UGT1A3: variants seen among roughly 807,000 people sequenced by gnomAD.
UGT1A3 encodes the protein UDP-glucuronosyltransferase 1A3.
In UGT1A3, 31 loss-of-function variants were observed where a neutral mutation model predicts 41.0. That is an observed-to-expected ratio of 0.76 (90% confidence interval 0.57 to 1.02). The LOEUF (loss-of-function observed/expected upper bound fraction) is 1.02. Among genes scored for constraint, UGT1A3 ranks in the 50% least tolerant of loss-of-function variants. UGT1A3 has a pLI of 0.00. For missense variants in UGT1A3, 737 were observed against 671.0 expected (o/e 1.10, Z -1.09); for synonymous variants, 262 against 257.6 (o/e 1.02, Z -0.17).
At chr2:233,744,167 C>T (rs571958396) in intron 1 of UGT1A3, among the ~76,000 whole-genome samples, 8 of 151,954 alleles carry the variant, frequency 5.3e-5, no homozygotes, top group South Asian at 4.1e-4. Flanking sequence ...CCGCCCACTC[C>T]GGCCTCCAAC....
chr2:233,751,748 T>C (rs1261704160), intron 1 of UGT1A3, among the ~76,000 whole-genome samples: 3 of 152,220 alleles, frequency 2.0e-5, no homozygotes, highest in African/African-American at 7.2e-5. Flanking sequence ...TCTCTCTTGC[T>C]TGCTGCCATG....
intron 1 of UGT1A3, chr2:233,752,472 A>G (rs185071344): frequency 6.6e-5 from 10 of 152,356 alleles, no homozygotes; most frequent in Admixed American, 4.6e-4. Flanking sequence ...GGCCTCTAGC[A>G]GTGTTATGTT....
At chr2:233,754,901 C>G (rs996500791) in intron 1 of UGT1A3, 1 of 1,352,458 alleles carries the variant, frequency 7.4e-7, no homozygotes, top group South Asian at 1.1e-5. Flanking sequence ...TCTGACCCCC[C>G]AAAATATTCT....
intron 1 of UGT1A3, among the ~76,000 whole-genome samples, chr2:233,730,802 A>T (rs1344398093): frequency 1.3e-5 from 2 of 152,196 alleles, no homozygotes; most frequent in Non-Finnish European, 2.9e-5. Flanking sequence ...ATGAATGGAC[A>T]TGCGTCCAAG....
intron 1 of UGT1A3, among the ~76,000 whole-genome samples, chr2:233,763,988 T>A (rs1006624097): frequency 2.0e-5 from 3 of 152,194 alleles, no homozygotes; most frequent in African/African-American, 7.2e-5. Flanking sequence ...TGGGAATGCG[T>A]GATGGTGAAG....
chr2:233,772,593 C>A lies in UGT1A3; in HGVS notation c.*34C>A. The A allele has an allele frequency of 2.5e-6, 4 of 1,598,604 alleles. No individual in the cohort carries two copies. Among genetic ancestry groups the A allele is most frequent in the Non-Finnish European group, 3.4e-6 (4 of 1,171,794 alleles). On this transcript the variant is annotated 3_prime_UTR_variant, in exon 5 of 5. Transcript: ENST00000482026. The stretch of plus-strand genomic sequence containing the variant: ...TGGGAAATAAGGTAAAATTTTGAAC[C>A]ATTCCCTAGTCATTTCCAAACTTGA...
Position 233,767,173 on chromosome 2 carries a change from G to T in UGT1A3, c.999+8G>T. 1.2e-6 allele frequency: 2 copies of T among 1,614,058 alleles called. No individual in the cohort carries two copies. The highest frequency in any genetic ancestry group is 1.7e-6 in the Non-Finnish European group (2 of 1,180,002). ...GGCAAAATCCCTCAGACAGTAAGAA[G>T]ATTCTATACCATGGCCTCATATCTA... On this transcript the variant is annotated splice_region_variant and intron_variant, in intron 2 of 4. Coordinates refer to ENST00000482026, the MANE Select transcript of UGT1A3 (RefSeq NM_019093.4).
At chr2:233,759,288 G>A (rs1441627679) in intron 1 of UGT1A3, among the ~76,000 whole-genome samples, 1 of 152,182 alleles carries the variant, frequency 6.6e-6, no homozygotes, top group African/African-American at 2.4e-5. Context: ...GGTTGATGAA[G>A]CTGAGCCCTG....
chr2:233,746,804 G>A (rs960699713), intron 1 of UGT1A3, among the ~76,000 whole-genome samples: 7 of 151,820 alleles, frequency 4.6e-5, no homozygotes, highest in African/African-American at 1.7e-4. Flanking sequence ...GAGCGTGAAT[G>A]TGGATTGCCT....
chr2:233,737,660 A>G (rs535932919), intron 1 of UGT1A3, among the ~76,000 whole-genome samples: 3 of 152,292 alleles, frequency 2.0e-5, no homozygotes, highest in East Asian at 3.9e-4. Context: ...GGAGCTGCAG[A>G]TCGGAGCTGT....
At position 233,729,879 on chromosome 2, in the gene UGT1A3, T is replaced by C. The variant is rs2125748829; in HGVS notation, c.753T>C (p.His251=). The C allele has an allele frequency of 6.2e-7, 1 of 1,613,906 alleles. No individual in the cohort carries two copies. The highest frequency in any genetic ancestry group is 8.5e-7 in the Non-Finnish European group (1 of 1,179,874). The change falls in exon 1 of 5, where the codon CAT becomes CAC. Residue 251 remains histidine, a synonymous_variant. Transcript: ENST00000482026. ...REVSVVDILS[H]ASVWLFRGDF... ...TGTCAGTGGTGGATATTCTCAGTCA[T>C]GCATCTGTGTGGCTGTTCCGAGGGG...
Position 233,772,326 on chromosome 2 carries a change from C to T in UGT1A3, c.1372C>T (p.Leu458=), listed in dbSNP as rs767264478. The stretch of plus-strand genomic sequence containing the variant: ...GGACCGCCCGGTGGAGCCGCTGGAC[C>T]TGGCCGTGTTCTGGGTGGAGTTTGT... ...HKDRPVEPLD[L]AVFWVEFVMR... The change falls in exon 5 of 5, where the codon CTG becomes TTG. Residue 458 remains leucine, a synonymous_variant. Coordinates refer to ENST00000482026, the MANE Select transcript of UGT1A3 (RefSeq NM_019093.4). 1 of 1,614,166 alleles carries T rather than the reference C, an allele frequency of 6.2e-7. No homozygotes were observed. The highest frequency in any genetic ancestry group is 2.2e-5 in the East Asian group (1 of 44,878).
At chr2:233,770,241 C>G (rs1700043521) in intron 4 of UGT1A3, 1 of 152,162 alleles carries the variant, frequency 6.6e-6, no homozygotes, top group Non-Finnish European at 1.5e-5. Context: ...CTCCATGATT[C>G]CAACACTCTG....
intron 1 of UGT1A3, chr2:233,742,915 T>C (rs558840772): frequency 5.4e-6 from 1 of 183,798 alleles, no homozygotes; most frequent in East Asian, 1.4e-4. Flanking sequence ...ATGCTCAAAG[T>C]GCTGAACTGA....
intron 1 of UGT1A3, chr2:233,747,431 A>C (rs184446696): frequency 1.0e-4 from 161 of 1,608,566 alleles, no homozygotes; most frequent in Middle Eastern, 1.7e-4. Flanking sequence ...AACAAGAGAA[A>C]TTTTTCACCC....
chr2:233,747,827 G>A, intron 1 of UGT1A3: 1 of 1,613,482 alleles, frequency 6.2e-7, no homozygotes, highest in Non-Finnish European at 8.5e-7. Context: ...CAGACCACAT[G>A]ACATTCCTGC....
At chr2:233,741,857 T>C (rs1691796983) in intron 1 of UGT1A3, 1 of 151,956 alleles carries the variant, frequency 6.6e-6, no homozygotes, top group Non-Finnish European at 1.5e-5. Flanking sequence ...TCATGCCTTA[T>C]GCAAACCTTT....
intron 1 of UGT1A3, chr2:233,747,082 G>A (rs1458761598): frequency 2.6e-6 from 3 of 1,146,350 alleles, no homozygotes; most frequent in Non-Finnish European, 3.6e-6. Flanking sequence ...TTAACTAGGA[G>A]GAGAGCACTC....
intron 1 of UGT1A3, among the ~76,000 whole-genome samples, chr2:233,761,544 A>G (rs745620081): frequency 8.5e-5 from 13 of 152,226 alleles, no homozygotes; most frequent in Non-Finnish European, 1.6e-4. Context: ...TCATTCTTTG[A>G]TGATGATAGA....
Sources: allele counts gnomAD v4.1 joint callset (sites outside exome capture counted in the v4.1 genomes callset), GRCh38; gene constraint gnomAD v4.1.1; transcripts MANE v1.5; gene names NCBI Gene and HGNC (gene_info 2026-07-23, HGNC 2026-07-21).